PREP: variants seen among roughly 807,000 people sequenced by gnomAD.
PREP encodes dJ355L5.1 (prolyl endopeptidase).
PREP carries 29 observed loss-of-function variants against 87.6 expected under a neutral mutation model. The observed-to-expected ratio is 0.33, with a 90% CI of 0.25 to 0.45. PREP has a LOEUF of 0.45. PREP is among the 20% of genes least tolerant of loss of function. The probability of loss-of-function intolerance (pLI) is 1.00; values close to 1 mark genes in which losing one functional copy is unlikely to be tolerated. For missense variants in PREP, 695 were observed against 886.5 expected, an observed-to-expected ratio of 0.78 and a Z score of 2.74; for synonymous variants, 337 against 328.6, an observed-to-expected ratio of 1.03 and a Z score of -0.28.
At chr6:105,352,616 C>T (rs1319764092) in intron 7 of PREP, among the ~76,000 whole-genome samples, 1 of 152,166 alleles carries the variant, frequency 6.6e-6, no homozygotes, top group South Asian at 2.1e-4. Context: ...CTCCTGAGCC[C>T]CTAGGATTGC....
chr6:105,400,032 CA>C (rs1773384282), intron 1 of PREP, among the ~76,000 whole-genome samples: 1 of 152,186 alleles, frequency 6.6e-6, no homozygotes, highest in Non-Finnish European at 1.5e-5. Flanking sequence ...AGTTATTGAT[CA>C]GATATTTTTA....
chr6:105,317,122 A>AT lies in PREP; in HGVS notation c.1317+6542_1317+6543insA, dbSNP rs530712132. ...CACCGTGCCTGGCTAATTAAAAAAA[A>AT]ATATATATATTTTTTTGTAGAAATG... On this transcript the variant is annotated intron_variant, in intron 10 of 14. Transcript: ENST00000652536. Among the ~76,000 whole-genome samples the AT allele has an allele frequency of 5.0e-3, 763 of 151,708 alleles. 3 individuals are homozygous for AT. The highest frequency in any genetic ancestry group is 0.016 in the African/African-American group (668 of 41,360).
intron 9 of PREP, among the ~76,000 whole-genome samples, chr6:105,328,012 T>C (rs1418004619): frequency 3.9e-5 from 6 of 152,160 alleles, no homozygotes; most frequent in Admixed American, 1.3e-4. Context: ...TACCATGAAA[T>C]GTAAAACCAC....
At chr6:105,396,676 G>C (rs887756047) in intron 2 of PREP, among the ~76,000 whole-genome samples, 3 of 151,674 alleles carry the variant, frequency 2.0e-5, no homozygotes, top group African/African-American at 7.3e-5. Flanking sequence ...AAACTACCTA[G>C]AGTGCCATTT....
chr6:105,332,442 C>T (rs536045493), intron 8 of PREP, among the ~76,000 whole-genome samples: 1 of 152,288 alleles, frequency 6.6e-6, no homozygotes, highest in South Asian at 2.1e-4. Flanking sequence ...CACGGAAAAA[C>T]ACATTTTAGG....
intron 7 of PREP, among the ~76,000 whole-genome samples, chr6:105,344,585 A>G (rs2114673793): frequency 6.6e-6 from 1 of 152,288 alleles, no homozygotes; most frequent in South Asian, 2.1e-4. Context: ...CAAAGACAGA[A>G]AACCAAACAC....
intron 7 of PREP, among the ~76,000 whole-genome samples, chr6:105,339,082 C>T (rs1189981552): frequency 2.0e-5 from 3 of 152,232 alleles, no homozygotes; most frequent in South Asian, 2.1e-4. Context: ...AACAGACTGC[C>T]TCCTAAAGTG....
intron 2 of PREP, among the ~76,000 whole-genome samples, chr6:105,385,235 T>C (rs1245980529): frequency 2.1e-5 from 3 of 139,922 alleles, no homozygotes; most frequent in African/African-American, 8.0e-5. Flanking sequence ...AAGAAATCAA[T>C]GAACTAGAAG....
At chr6:105,313,946 A>T (rs1583049740) in intron 10 of PREP, among the ~76,000 whole-genome samples, 1 of 152,170 alleles carries the variant, frequency 6.6e-6, no homozygotes, top group African/African-American at 2.4e-5. Context: ...CTAAGACTTA[A>T]ATAAAAATCT....
intron 7 of PREP, 118 bp downstream of exon 7, chr6:105,352,854 A>G: frequency 1.2e-6 from 1 of 868,904 alleles, no homozygotes; most frequent in Non-Finnish European, 1.8e-6. Context: ...AAATCAGATG[A>G]ACTGACATGA....
intron 6 of PREP, 70 bp downstream of exon 6, chr6:105,368,833 A>G: frequency 6.4e-7 from 1 of 1,564,724 alleles, no homozygotes; most frequent in Non-Finnish European, 8.7e-7. Flanking sequence ...GTCACCACAT[A>G]ATAAGAATAT....
At chr6:105,358,877 G>A (rs1772170938) in intron 6 of PREP, among the ~76,000 whole-genome samples, 1 of 152,144 alleles carries the variant, frequency 6.6e-6, no homozygotes, top group Non-Finnish European at 1.5e-5. Context: ...GGGTGGTCCA[G>A]CCCAGTTCTC....
At chr6:105,312,335 G>A (rs1770775180) in intron 10 of PREP, among the ~76,000 whole-genome samples, 1 of 152,216 alleles carries the variant, frequency 6.6e-6, no homozygotes, top group Non-Finnish European at 1.5e-5. Context: ...ACTTGATTCA[G>A]AACTAACTGG....
At chr6:105,391,048 C>CACACACACAG (rs1475906051) in intron 2 of PREP, among the ~76,000 whole-genome samples, 1 of 150,794 alleles carries the variant, frequency 6.6e-6, no homozygotes, top group African/African-American at 2.4e-5. Context: ...CACACACACA[C>CACACACACAG]ACACACACAC....
intron 13 of PREP, among the ~76,000 whole-genome samples, chr6:105,282,126 C>T (rs1301254141): frequency 6.6e-6 from 1 of 152,132 alleles, no homozygotes; most frequent in Non-Finnish European, 1.5e-5. Context: ...TGGAGCTTTA[C>T]TCCCCAAAGT....
chr6:105,374,278 C>G (rs1404846553), intron 4 of PREP, among the ~76,000 whole-genome samples: 3 of 152,134 alleles, frequency 2.0e-5, no homozygotes, highest in Non-Finnish European at 4.4e-5. Context: ...TGGAATGTTT[C>G]CTGGCAAATA....
intron 11 of PREP, among the ~76,000 whole-genome samples, chr6:105,287,670 T>C (rs1348126179): frequency 1.3e-5 from 2 of 152,224 alleles, no homozygotes; most frequent in Non-Finnish European, 2.9e-5. Flanking sequence ...ATTTATGTCC[T>C]GGTAGTCACC....
At chr6:105,297,882 A>G (rs1303430053) in intron 10 of PREP, among the ~76,000 whole-genome samples, 1 of 152,188 alleles carries the variant, frequency 6.6e-6, no homozygotes. Context: ...CAATGAACAG[A>G]TAAGATTGTC....
At chr6:105,386,053 G>C (rs942888808) in intron 2 of PREP, among the ~76,000 whole-genome samples, 6 of 152,224 alleles carry the variant, frequency 3.9e-5, no homozygotes, top group African/African-American at 1.4e-4. Flanking sequence ...CAGGGAGTCA[G>C]AGATTGCAGT....
Sources: gnomAD v4.1 joint callset for allele counts (sites outside exome capture counted in the v4.1 genomes callset) on GRCh38, gnomAD v4.1.1 for gene constraint, MANE v1.5 for transcripts, NCBI Gene and HGNC (gene_info 2026-07-23, HGNC 2026-07-21) for gene names.